ZCCHC17: variants seen among roughly 807,000 people sequenced by gnomAD.
ZCCHC17 encodes zinc finger CCHC domain-containing protein 17.
Under a neutral mutation model 30.6 loss-of-function variants are expected in ZCCHC17, and 18 were observed. That is an observed-to-expected ratio of 0.59 (90% confidence interval 0.41 to 0.87). ZCCHC17 has a LOEUF of 0.87. Ranked by LOEUF, ZCCHC17 falls within the 40% of genes least tolerant of loss-of-function variation. The probability of loss-of-function intolerance (pLI) is 0.00; values close to 1 mark genes in which losing one functional copy is unlikely to be tolerated. For synonymous variants in ZCCHC17, 88 were observed against 92.4 expected (o/e 0.95, Z 0.27); for missense variants, 263 against 284.2 (o/e 0.93, Z 0.54).
intron 5 of ZCCHC17, among the ~76,000 whole-genome samples, chr1:31,344,859 T>TTG (rs1242972931): frequency 9.6e-5 from 13 of 135,948 alleles, no homozygotes; most frequent in Non-Finnish European, 1.6e-4. Context: ...TGGGTTTTTT[T>TTG]TTGTTGTTTG....
Position 31,337,192 on chromosome 1 carries a change from CAT to C in ZCCHC17, c.145_146del (p.Met49ValfsTer7). The C allele has an allele frequency of 6.2e-7, 1 of 1,614,038 alleles. No individual in the cohort carries two copies. Among genetic ancestry groups the C allele is most frequent in the African/African-American group, 1.3e-5 (1 of 75,012 alleles). ...CRKQGLVHRT[H>X]MSSCRVDKPS... is the part of the protein sequence containing the mutation. The stretch of plus-strand genomic sequence containing the variant: ...GTGCCCAGGTCTGGTCCATCGAACT[CAT>C]ATGTCATCCTGTCGGGTGGATAAGC... On this transcript the variant is annotated frameshift_variant, in exon 4 of 8. Transcript: ENST00000344147. LOFTEE classifies it high-confidence loss of function.
In ZCCHC17 at chr1:31,339,104, G is replaced by A. The variant is rs878909332; in HGVS notation, c.317+56G>A. 59 of 1,356,636 alleles carry A rather than the reference G, an allele frequency of 4.3e-5. 2 individuals are homozygous for A. The South Asian group carries it at 5.2e-4, about 12-fold the overall frequency. 84.0% of individuals were successfully genotyped at this position (1,356,636 alleles called of 1,614,324 possible). On this transcript the variant is annotated intron_variant, in intron 5 of 7. Coordinates refer to ENST00000344147, the MANE Select transcript of ZCCHC17 (RefSeq NM_016505.4). ...CTTCTGCCTCCCAAATCATAAAATG[G>A]TTTAGTAAATCAGACTGAACTGGTA... is the stretch of plus-strand genomic sequence containing the variant.
intron 3 of ZCCHC17, among the ~76,000 whole-genome samples, chr1:31,322,725 C>CT (rs35728249): frequency 3.5e-5 from 5 of 143,046 alleles, no homozygotes; most frequent in Admixed American, 1.4e-4. Context: ...GCTGAAATTT[C>CT]TTTTTTTTTT....
intron 4 of ZCCHC17, among the ~76,000 whole-genome samples, chr1:31,338,392 T>C (rs1009755093): frequency 2.0e-5 from 3 of 152,108 alleles, no homozygotes; most frequent in African/African-American, 4.8e-5. Context: ...TTTGAGGAGA[T>C]AGAATATGAG....
At chr1:31,313,819 G>A (rs1382711605) in intron 2 of ZCCHC17, among the ~76,000 whole-genome samples, 18 of 151,806 alleles carry the variant, frequency 1.2e-4, no homozygotes, top group Non-Finnish European at 1.5e-5. Flanking sequence ...TTCTAAAGTG[G>A]ATCCTAACCT....
chr1:31,353,203 A>G (rs946885085), intron 7 of ZCCHC17, among the ~76,000 whole-genome samples: 2 of 152,046 alleles, frequency 1.3e-5, no homozygotes, highest in South Asian at 2.1e-4. Flanking sequence ...TTCTTTGCCT[A>G]TTTTGCATAA....
At chr1:31,305,585 G>A (rs574907716) in intron 1 of ZCCHC17, among the ~76,000 whole-genome samples, 23 of 151,922 alleles carry the variant, frequency 1.5e-4, no homozygotes, top group Non-Finnish European at 3.1e-4. Flanking sequence ...CACCATGCCC[G>A]GCCATAATTT....
At chr1:31,303,655 T>A (rs1290305314) in intron 1 of ZCCHC17, among the ~76,000 whole-genome samples, 2 of 151,872 alleles carry the variant, frequency 1.3e-5, no homozygotes, top group Admixed American at 6.6e-5. Context: ...TACTTTAAAA[T>A]TTTTTTTTGA....
chr1:31,308,959 A>G (rs753644517), intron 1 of ZCCHC17, among the ~76,000 whole-genome samples: 4 of 152,228 alleles, frequency 2.6e-5, no homozygotes, highest in South Asian at 2.1e-4. Context: ...TCATGATTCC[A>G]TTAAAAAACC....
At chr1:31,318,178 C>G (rs1167046014) in intron 2 of ZCCHC17, 12 of 1,534,838 alleles carry the variant, frequency 7.8e-6, no homozygotes, top group Middle Eastern at 1.7e-4. Flanking sequence ...TATGGTGAAG[C>G]TGAAACAGTG....
At chr1:31,349,417 G>A (rs1639390557) in intron 7 of ZCCHC17, among the ~76,000 whole-genome samples, 1 of 152,012 alleles carries the variant, frequency 6.6e-6, no homozygotes, top group African/African-American at 2.4e-5. Flanking sequence ...TGTAACCTCT[G>A]CCTCCCAGGT....
intron 6 of ZCCHC17, 139 bp from the exon 7 acceptor site, chr1:31,348,690 A>G: frequency 9.8e-7 from 1 of 1,024,750 alleles, no homozygotes; most frequent in Admixed American, 2.1e-5. Context: ...ATCTACCCTG[A>G]ATCAAACAGC....
At chr1:31,320,688 G>A (rs751890308) in intron 3 of ZCCHC17, among the ~76,000 whole-genome samples, 1 of 152,098 alleles carries the variant, frequency 6.6e-6, no homozygotes, top group African/African-American at 2.4e-5. Context: ...AGTTCCATCA[G>A]TTGATGGATA....
chr1:31,357,340 G>T (rs1243431189), intron 7 of ZCCHC17, among the ~76,000 whole-genome samples: 6 of 152,168 alleles, frequency 3.9e-5, no homozygotes, highest in Non-Finnish European at 7.4e-5. Flanking sequence ...CTACTCAGAA[G>T]CCTTCAGTGG....
At chr1:31,319,778 G>A (rs989026770) in intron 3 of ZCCHC17, among the ~76,000 whole-genome samples, 12 of 151,980 alleles carry the variant, frequency 7.9e-5, no homozygotes, top group African/African-American at 2.4e-5. Context: ...CCTAGCCCCT[G>A]GATCTTTCTA....
chr1:31,302,652 G>T (rs564394244), intron 1 of ZCCHC17, among the ~76,000 whole-genome samples: 1 of 152,074 alleles, frequency 6.6e-6, no homozygotes, highest in Non-Finnish European at 1.5e-5. Flanking sequence ...AAGGAGAAAG[G>T]TTTAATTGAC....
At chr1:31,332,654 C>CT (rs911366693) in intron 3 of ZCCHC17, among the ~76,000 whole-genome samples, 51 of 148,822 alleles carry the variant, frequency 3.4e-4, no homozygotes, top group Middle Eastern at 3.4e-3. Flanking sequence ...TGGTGTATTT[C>CT]TTTTTTTTTT....
At chr1:31,353,200 C>A (rs546554794) in intron 7 of ZCCHC17, among the ~76,000 whole-genome samples, 3 of 152,150 alleles carry the variant, frequency 2.0e-5, no homozygotes, top group African/African-American at 7.2e-5. Flanking sequence ...AAGTTCTTTG[C>A]CTATTTTGCA....
rs147025952 is a variant in ZCCHC17, at chr1:31,313,018, C to T, written c.66+2854C>T. On this transcript the variant is annotated intron_variant, in intron 2 of 7. Transcript: ENST00000344147. ...CTGACCTCAGGTGATCCACCTGCCT[C>T]GGCCTCCCAAAGTGCTGGGATTACA... Among the ~76,000 whole-genome samples the T allele has an allele frequency of 9.2e-3, 1,392 of 150,626 alleles. 26 individuals are homozygous for T. Among genetic ancestry groups the T allele is most frequent in the African/African-American group, 0.031 (1,261 of 41,146 alleles).
Sources: allele counts gnomAD v4.1 joint callset (sites outside exome capture counted in the v4.1 genomes callset), GRCh38; gene constraint gnomAD v4.1.1; transcripts MANE v1.5; gene names NCBI Gene and HGNC (gene_info 2026-07-23, HGNC 2026-07-21).